HOMER2: variants seen among roughly 807,000 people sequenced by gnomAD.
HOMER2 encodes homer scaffold protein 2, also known as homer protein homolog 2.
A neutral mutation model predicts 47.0 loss-of-function variants in HOMER2; 27 were observed. The ratio of observed to expected loss-of-function variants is 0.57; its 90% CI spans 0.42 to 0.79. The LOEUF (loss-of-function observed/expected upper bound fraction) is 0.79. Ranked by LOEUF, HOMER2 falls within the 30% of genes least tolerant of loss-of-function variation. The probability of loss-of-function intolerance (pLI) is 0.00; values close to 1 mark genes in which losing one functional copy is unlikely to be tolerated. For synonymous variants in HOMER2, 161 were observed against 163.8 expected (o/e 0.98, Z 0.13); for missense variants, 443 against 435.0 (o/e 1.02, Z -0.16).
In HOMER2 at chr15:82,917,801, A is replaced by G. The variant is rs191861006; in HGVS notation, c.6-24960T>C. Among the ~76,000 whole-genome samples the G allele has an allele frequency of 6.2e-4, 94 of 152,302 alleles. 1 individual carries two copies. The highest frequency in any genetic ancestry group is 1.9e-3 in the Admixed American group (29 of 15,292). On this transcript the variant is annotated intron_variant, in intron 1 of 8. Transcript: ENST00000450735. ...GTAGGCCCAAAATACTTGCTAAACT[A>G]GATTATTTGGCTTTAAAATTATATC...
chr15:82,985,936 T>C (rs1470750489), upstream of HOMER2: 4 of 391,574 alleles, frequency 1.0e-5, no homozygotes, highest in African/African-American at 8.7e-5. Context: ...TCTCCGGTGA[T>C]TCCCAGAACT....
chr15:82,855,325 CAAAA>C (rs1162254209), intron 5 of HOMER2, among the ~76,000 whole-genome samples: 6 of 61,518 alleles, frequency 9.8e-5, no homozygotes, highest in African/African-American at 2.2e-4. Flanking sequence ...ACTCCATCTC[CAAAA>C]AAAAAAAAAA....
chr15:82,956,926 T>C (rs2054592469), upstream of HOMER2, among the ~76,000 whole-genome samples: 1 of 152,210 alleles, frequency 6.6e-6, no homozygotes, highest in South Asian at 2.1e-4. Context: ...GTTTTTAACT[T>C]CTCTGAGCCT....
intron 1 of HOMER2, among the ~76,000 whole-genome samples, chr15:82,919,788 G>A (rs902728124): frequency 2.0e-5 from 3 of 152,206 alleles, no homozygotes; most frequent in Non-Finnish European, 4.4e-5. Context: ...GCTACTCACA[G>A]GAAAACATTC....
chr15:82,928,229 G>A (rs1024015795), intron 1 of HOMER2, among the ~76,000 whole-genome samples: 5 of 152,164 alleles, frequency 3.3e-5, no homozygotes, highest in African/African-American at 4.8e-5. Context: ...TCTTCCCACT[G>A]GCGGCCACCG....
intron 2 of HOMER2, among the ~76,000 whole-genome samples, chr15:82,878,638 T>C (rs902792795): frequency 3.3e-5 from 5 of 152,212 alleles, no homozygotes; most frequent in African/African-American, 9.6e-5. Context: ...GGTCTTTCAT[T>C]TTTCTTTGAG....
Position 82,952,539 on chromosome 15 carries a change from C to T in HOMER2, c.-4G>A, listed in dbSNP as rs1049772579. ...GGCGCGGGCTCACTCACCCCATCTC[C>T]GGCGCTGCTCCGGCGGCCGCTCCGA... On this transcript the variant is annotated 5_prime_UTR_variant, in exon 1 of 9. Coordinates refer to ENST00000450735, the MANE Select transcript of HOMER2 (RefSeq NM_004839.4). 1.7e-6 allele frequency: 2 copies of T among 1,183,784 alleles called. No homozygotes were observed. The highest frequency in any genetic ancestry group is 2.1e-6 in the Non-Finnish European group (2 of 956,954). 73.3% of individuals were successfully genotyped at this position (1,183,784 alleles called of 1,614,324 possible).
chr15:82,870,241 A>T (rs141571011), intron 3 of HOMER2, among the ~76,000 whole-genome samples: 1 of 152,178 alleles, frequency 6.6e-6, no homozygotes, highest in Non-Finnish European at 1.5e-5. Flanking sequence ...CCTAGGTGCT[A>T]GAGAATGAAA....
intron 2 of HOMER2, among the ~76,000 whole-genome samples, chr15:82,889,092 G>A (rs1332965843): frequency 2.0e-5 from 3 of 152,310 alleles, no homozygotes; most frequent in East Asian, 3.9e-4. Context: ...GAGAGAGGCA[G>A]GACTCAGGCA....
chr15:82,903,787 G>A (rs2053204405), intron 1 of HOMER2, among the ~76,000 whole-genome samples: 1 of 152,208 alleles, frequency 6.6e-6, no homozygotes, highest in South Asian at 2.1e-4. Context: ...TTGAGGCCAG[G>A]AATTCGAGAC....
At chr15:82,865,331 CATT>C (rs2051930562) in intron 3 of HOMER2, among the ~76,000 whole-genome samples, 1 of 152,200 alleles carries the variant, frequency 6.6e-6, no homozygotes, top group Admixed American at 6.5e-5. Context: ...GGAAAAACAT[CATT>C]ATCATGAACT....
chr15:82,912,157 T>G (rs2053471190), intron 1 of HOMER2, among the ~76,000 whole-genome samples: 1 of 152,234 alleles, frequency 6.6e-6, no homozygotes. Flanking sequence ...TGGCTTTTTA[T>G]TCACAGAATT....
intron 3 of HOMER2, among the ~76,000 whole-genome samples, chr15:82,867,084 G>C (rs991512800): frequency 1.8e-4 from 28 of 152,234 alleles, no homozygotes; most frequent in Admixed American, 2.0e-4. Context: ...ACATATAATT[G>C]AGATAACTTT....
At chr15:82,855,325 CA>C (rs1162254209) in intron 5 of HOMER2, among the ~76,000 whole-genome samples, 3,127 of 61,228 alleles carry the variant, frequency 0.051, 14 homozygotes, top group Non-Finnish European at 0.066. Context: ...ACTCCATCTC[CA>C]AAAAAAAAAA....
At chr15:82,940,718 A>G (rs115149403) in intron 1 of HOMER2, among the ~76,000 whole-genome samples, 9,750 of 151,812 alleles carry the variant, frequency 0.064, 604 homozygotes, top group African/African-American at 0.16. Flanking sequence ...GGGTGACAGA[A>G]GGAGACTCTG....
Position 82,864,254 on chromosome 15 carries a change from T to A in HOMER2, c.300A>T (p.Ala100=). The change falls in exon 4 of 9, where the codon GCA becomes GCT. Residue 100 remains alanine (A), a synonymous_variant. Coordinates refer to ENST00000450735, the MANE Select transcript of HOMER2 (RefSeq NM_004839.4). ...CTTCTTTCACCTCCTGGAATTTCTC[T>A]GCAAACTGAACATGAAGAATAGTTA... ...FSSEQQLTKF[A]EKFQEVKEAA... 1 of 1,610,294 alleles carries A rather than the reference T, an allele frequency of 6.2e-7. No individual in the cohort carries two copies. The highest frequency in any genetic ancestry group is 8.5e-7 in the Non-Finnish European group (1 of 1,177,428).
chr15:82,840,461 A>G (rs1475675335), exon 2 of HOMER2: 9 of 152,182 alleles, frequency 5.9e-5, no homozygotes, highest in African/African-American at 2.2e-4. Flanking sequence ...AGGAAAATTC[A>G]CTTAATTAAA....
intron 1 of HOMER2, among the ~76,000 whole-genome samples, chr15:82,961,327 G>A (rs80118152): frequency 0.033 from 4,972 of 152,262 alleles, 118 homozygotes; most frequent in Non-Finnish European, 0.051. Context: ...AACACTTCCC[G>A]TGCGCAGGTT....
chr15:82,880,338 CAT>C (rs1483457789), intron 2 of HOMER2, among the ~76,000 whole-genome samples: 2 of 152,192 alleles, frequency 1.3e-5, no homozygotes, highest in African/African-American at 2.4e-5. Flanking sequence ...GATATATACA[CAT>C]GTGGCAAAAC....
Sources: allele counts gnomAD v4.1 joint callset (sites outside exome capture counted in the v4.1 genomes callset), GRCh38; gene constraint gnomAD v4.1.1; transcripts MANE v1.5; gene names NCBI Gene and HGNC (gene_info 2026-07-23, HGNC 2026-07-21).